Variants in PLEKHS1 observed in about 807,000 individuals in gnomAD.
PLEKHS1 encodes the protein pleckstrin homology domain-containing family S member 1.
In PLEKHS1, 55 loss-of-function variants were observed where a neutral mutation model predicts 51.0. The ratio of observed to expected loss-of-function variants is 1.08; its 90% confidence interval spans 0.87 to 1.35. The LOEUF is 1.35. PLEKHS1 is among the 40% of genes most tolerant of loss of function. The pLI, the probability that PLEKHS1 is intolerant of heterozygous loss-of-function variation, is 0.00. For synonymous variants in PLEKHS1, 153 were observed against 144.8 expected (o/e 1.06, Z -0.41); for missense variants, 398 against 423.0 (o/e 0.94, Z 0.52).
At chr10:113,777,973 G>C (rs1014202584) in intron 11 of PLEKHS1, 1 of 346,932 alleles carries the variant, frequency 2.9e-6, no homozygotes, top group African/African-American at 2.1e-5. Context: ...CTGGAAGACA[G>C]AGCGAGACCC....
chr10:113,779,675 C>G (rs1844810388), intron 11 of PLEKHS1, among the ~76,000 whole-genome samples: 1 of 152,086 alleles, frequency 6.6e-6, no homozygotes, highest in African/African-American at 2.4e-5. Flanking sequence ...AAGATCCAGG[C>G]ATTAATTCAG....
chr10:113,758,431 CTT>C (rs890157425), intron 2 of PLEKHS1, among the ~76,000 whole-genome samples: 1 of 151,430 alleles, frequency 6.6e-6, no homozygotes, highest in Non-Finnish European at 1.5e-5. Flanking sequence ...TGAAAGGAAT[CTT>C]TTTTTTTCTA....
chr10:113,755,104 G>A (rs1388612385), intron 1 of PLEKHS1, among the ~76,000 whole-genome samples, 155 bp from the exon 2 acceptor site: 2 of 152,190 alleles, frequency 1.3e-5, no homozygotes, highest in Non-Finnish European at 2.9e-5. Flanking sequence ...GGAACAGGGA[G>A]GGAAATACTA....
rs142977152 is a variant in PLEKHS1, at chr10:113,773,193, T to C, written c.673-1034T>C. On this transcript the variant is annotated intron_variant, in intron 8 of 11. Coordinates refer to ENST00000361048, the Ensembl canonical transcript of PLEKHS1. ...AGAGCATTTAGTATGCAGTGGTGCATTGTAAATAGTCAAGTCAGATACAAC... is the reference window on the plus strand; with the variant it reads ...AGAGCATTTAGTATGCAGTGGTGCACTGTAAATAGTCAAGTCAGATACAAC... Among the ~76,000 whole-genome samples, 474 of 152,308 alleles carry C rather than the reference T, an allele frequency of 3.1e-3. 2 individuals carry two copies. Among genetic ancestry groups the C allele is most frequent in the African/African-American group, 0.011 (452 of 41,562 alleles).
chr10:113,758,369 T>G (rs563481797), intron 2 of PLEKHS1, among the ~76,000 whole-genome samples: 2 of 152,334 alleles, frequency 1.3e-5, no homozygotes, highest in East Asian at 3.9e-4. Flanking sequence ...CTTGTACATC[T>G]CCATCAGAGC....
chr10:113,771,845 T>C, intron 7 of PLEKHS1, 125 bp from the exon 8 acceptor site: 1 of 1,136,954 alleles, frequency 8.8e-7, no homozygotes, highest in Non-Finnish European at 1.2e-6. Context: ...CTTCTGGATG[T>C]AATCTTGGAA....
chr10:113,758,081 T>C (rs1843748873), intron 2 of PLEKHS1, among the ~76,000 whole-genome samples: 1 of 152,120 alleles, frequency 6.6e-6, no homozygotes, highest in Non-Finnish European at 1.5e-5. Context: ...CATCGAGGAG[T>C]ATTGGAATCC....
intron 6 of PLEKHS1, 106 bp downstream of exon 6, chr10:113,768,996 C>A: frequency 1.4e-6 from 1 of 694,076 alleles, no homozygotes; most frequent in Non-Finnish European, 2.3e-6. Flanking sequence ...GGCTTTAATA[C>A]AAGGAATAAA....
Position 113,769,964 on chromosome 10 carries a change from T to C in PLEKHS1, c.552+64T>C, listed in dbSNP as rs76650026. 2.0e-3 allele frequency: 2,365 copies of C among 1,161,564 alleles called. 35 individuals carry two copies. In the African/African-American group the frequency reaches 0.022, roughly 11 times the overall value. The allele number at this position is 1,161,564 out of a possible 1,614,324, so 72.0% of individuals were successfully genotyped here. On this transcript the variant is annotated intron_variant, in intron 7 of 11. Coordinates refer to ENST00000361048, the Ensembl canonical transcript of PLEKHS1. Reference sequence around the variant, plus strand: ...GGAGGCAGCTAATGCCTAAAAATCTTACCAATTAGCAATTGAATTTAACCA... The same window carrying C: ...GGAGGCAGCTAATGCCTAAAAATCTCACCAATTAGCAATTGAATTTAACCA...
At chr10:113,761,103 T>G (rs991695453) in intron 2 of PLEKHS1, among the ~76,000 whole-genome samples, 1 of 152,208 alleles carries the variant, frequency 6.6e-6, no homozygotes, top group African/African-American at 2.4e-5. Context: ...ATGTATGGGT[T>G]TGTTTCTGGA....
At chr10:113,779,381 C>G (rs1205523458) in intron 11 of PLEKHS1, among the ~76,000 whole-genome samples, 6 of 151,984 alleles carry the variant, frequency 3.9e-5, no homozygotes, top group Admixed American at 1.3e-4. Context: ...CCAGCCTGGC[C>G]AATATAGTGA....
chr10:113,770,463 A>T (rs1424792411), intron 7 of PLEKHS1, among the ~76,000 whole-genome samples: 1 of 152,174 alleles, frequency 6.6e-6, no homozygotes, highest in South Asian at 2.1e-4. Flanking sequence ...TGGATTTGCA[A>T]TGTTCCCAAC....
At chr10:113,774,166 TA>T in intron 8 of PLEKHS1, 60 bp from the exon 9 acceptor site, 4 of 992,958 alleles carry the variant, frequency 4.0e-6, no homozygotes, top group Non-Finnish European at 6.2e-6. Context: ...ATACTAGAAA[TA>T]AGAAGGTACC....
chr10:113,774,017 G>C (rs1218125938), intron 8 of PLEKHS1, among the ~76,000 whole-genome samples: 1 of 152,218 alleles, frequency 6.6e-6, no homozygotes, highest in African/African-American at 2.4e-5. Flanking sequence ...AGGGATCCAG[G>C]AGAAGAAAAT....
chr10:113,780,170 TCAA>T (rs1844823121), intron 11 of PLEKHS1, among the ~76,000 whole-genome samples: 1 of 152,100 alleles, frequency 6.6e-6, no homozygotes, highest in African/African-American at 2.4e-5. Context: ...ACTGAGATTT[TCAA>T]GGGAAGGGGA....
chr10:113,775,706 T>C (rs12768105), intron 10 of PLEKHS1, 59 bp from the exon 11 acceptor site: 78,431 of 1,167,044 alleles, frequency 0.067, 3,093 homozygotes, highest in Non-Finnish European at 0.082. Context: ...ACTCAGAAAG[T>C]ACAGTTGAGA....
chr10:113,766,927 G>C (rs1844189626), intron 4 of PLEKHS1, among the ~76,000 whole-genome samples: 1 of 152,152 alleles, frequency 6.6e-6, no homozygotes, highest in South Asian at 2.1e-4. Context: ...TGTCATACTT[G>C]ATAAGTCTTT....
At chr10:113,758,677 G>A (rs1486756498) in intron 2 of PLEKHS1, among the ~76,000 whole-genome samples, 1 of 152,116 alleles carries the variant, frequency 6.6e-6, no homozygotes, top group African/African-American at 2.4e-5. Context: ...TTATTAATTG[G>A]CCTAATTTCA....
At chr10:113,762,894 A>G (rs1472547376) in intron 2 of PLEKHS1, among the ~76,000 whole-genome samples, 1 of 152,060 alleles carries the variant, frequency 6.6e-6, no homozygotes, top group Non-Finnish European at 1.5e-5. Context: ...AGAGAAGGGA[A>G]TATTTCTCTA....
Sources: gnomAD v4.1 joint callset for allele counts (sites outside exome capture counted in the v4.1 genomes callset) on GRCh38, gnomAD v4.1.1 for gene constraint, MANE v1.5 for transcripts, NCBI Gene and HGNC (gene_info 2026-07-23, HGNC 2026-07-21) for gene names.